The following ETV4 variants were observed in gnomAD, a reference collection of about 807,000 sequenced individuals.
ETV4 encodes ETS variant transcription factor 4, also known as ETS translocation variant 4.
ETV4 carries 42 observed loss-of-function variants against 65.9 expected under a neutral mutation model. The ratio of observed to expected loss-of-function variants is 0.64; its 90% confidence interval spans 0.50 to 0.82. ETV4 has a LOEUF of 0.82. Ranked by LOEUF, ETV4 falls within the 40% of genes least tolerant of loss-of-function variation. The pLI is 0.00. For synonymous variants in ETV4, 238 were observed against 260.0 expected, an observed-to-expected ratio of 0.92 and a Z score of 0.81; for missense variants, 583 against 630.3, an observed-to-expected ratio of 0.92 and a Z score of 0.80.
At chr17:43,529,258 GGTAGA>G (rs1358127380) in intron 11 of ETV4, 22 bp from the exon 12 acceptor site, 1 of 1,611,172 alleles carries the variant, frequency 6.2e-7, no homozygotes, top group East Asian at 2.2e-5. Flanking sequence ...ACAGTTTTGG[GGTAGA>G]GATGCTACCT....
intron 8 of ETV4, 77 bp downstream of exon 8, chr17:43,532,597 T>TA (rs1335689531): frequency 4.4e-6 from 6 of 1,378,518 alleles, no homozygotes; most frequent in South Asian, 1.4e-5. Context: ...AACAGCAATG[T>TA]AAAAAAACTC....
At chr17:43,539,622 A>G (rs1036506492) in intron 4 of ETV4, among the ~76,000 whole-genome samples, 5 of 152,200 alleles carry the variant, frequency 3.3e-5, no homozygotes, top group African/African-American at 1.2e-4. Flanking sequence ...GACTACATGA[A>G]TAAACATGCA....
Position 43,532,691 on chromosome 17 carries a change from T to G in ETV4, c.794A>C (p.Asp265Ala). The change falls in exon 8 of 13, where the codon GAC (aspartate) becomes GCC (alanine). Residue 265 changes from aspartate to alanine, a missense_variant. By Grantham distance (126) the Asp-to-Ala change is moderately radical (BLOSUM62 -2). Transcript: ENST00000319349. ...TCTCTTACCTGAGTCGTAGGCGAAG[T>G]CCGTCTGTTCCTGTTTGATCACCAC... ...AGVVIKQEQTDFAYDSDVTGC... is the reference protein window; with the variant it reads ...AGVVIKQEQTAFAYDSDVTGC... 6.2e-7 allele frequency: 1 copy of G among 1,612,752 alleles called. No individual in the cohort carries two copies. The highest frequency in any genetic ancestry group is 8.5e-7 in the Non-Finnish European group (1 of 1,179,190).
chr17:43,532,386 G>A (rs1243681016), intron 8 of ETV4, among the ~76,000 whole-genome samples: 1 of 151,872 alleles, frequency 6.6e-6, no homozygotes, highest in Non-Finnish European at 1.5e-5. Context: ...GTAATCCCAG[G>A]TACTCGGGAG....
chr17:43,538,534 ACAG>A (rs1444391759), intron 4 of ETV4, among the ~76,000 whole-genome samples: 1 of 152,156 alleles, frequency 6.6e-6, no homozygotes, highest in Non-Finnish European at 1.5e-5. Context: ...AAACTGAAAT[ACAG>A]CAGCAGCTCA....
At chr17:43,545,419 G>T in intron 2 of ETV4, 52 bp from the exon 3 acceptor site, 1 of 1,498,462 alleles carries the variant, frequency 6.7e-7, no homozygotes. Context: ...GCTTAGTCTG[G>T]GGGACGAGGT....
At chr17:43,543,160 G>C (rs1971608069) in intron 4 of ETV4, among the ~76,000 whole-genome samples, 1 of 151,842 alleles carries the variant, frequency 6.6e-6, no homozygotes, top group Non-Finnish European at 1.5e-5. Flanking sequence ...GAAGGAGAGG[G>C]AACCAAGGAG....
At chr17:43,544,873 G>T in intron 4 of ETV4, 102 bp downstream of exon 4, 1 of 1,122,884 alleles carries the variant, frequency 8.9e-7, no homozygotes, top group African/African-American at 1.5e-5. Flanking sequence ...TTGAGGCAGG[G>T]AAGGGAGAGG....
At chr17:43,541,722 GCT>G (rs1347184720) in intron 4 of ETV4, among the ~76,000 whole-genome samples, 1 of 152,138 alleles carries the variant, frequency 6.6e-6, no homozygotes, top group African/African-American at 2.4e-5. Flanking sequence ...CAGAGCTTCT[GCT>G]CCATTGTGTC....
intron 8 of ETV4, among the ~76,000 whole-genome samples, chr17:43,531,618 C>A (rs1048376058): frequency 6.6e-6 from 1 of 152,164 alleles, no homozygotes; most frequent in Non-Finnish European, 1.5e-5. Flanking sequence ...GCATGAGAAT[C>A]GCTTGAACCC....
chr17:43,535,965 G>T (rs931560290), intron 5 of ETV4, among the ~76,000 whole-genome samples: 1 of 152,176 alleles, frequency 6.6e-6, no homozygotes, highest in South Asian at 2.1e-4. Context: ...ACAAAAATTA[G>T]CTGGGTGTGG....
chr17:43,528,536 C>A lies in ETV4; in HGVS notation c.1438G>T (p.Gly480Cys). ...AGPAQPFGPK[G>C]GYSY ...GCTGGGGGCTAGTAAGAGTAGCCACCCTTGGGGCCAAATGGCTGGGCGGGG... is the reference window on the plus strand; with the variant it reads ...GCTGGGGGCTAGTAAGAGTAGCCACACTTGGGGCCAAATGGCTGGGCGGGG... Residue 480 changes from glycine (G) to cysteine (C), a missense_variant, in exon 13 of 13, where the codon GGT (glycine) becomes TGT (cysteine). Gly to Cys is a radical substitution (Grantham distance 159). Coordinates refer to ENST00000319349, the MANE Select transcript of ETV4 (RefSeq NM_001079675.5). 1.9e-6 allele frequency: 3 copies of A among 1,611,346 alleles called. No homozygotes were observed. Among genetic ancestry groups the A allele is most frequent in the Non-Finnish European group, 8.5e-7 (1 of 1,178,556 alleles).
chr17:43,542,129 G>T (rs1971555507), intron 4 of ETV4, among the ~76,000 whole-genome samples: 2 of 152,194 alleles, frequency 1.3e-5, no homozygotes, highest in African/African-American at 4.8e-5. Context: ...TTGGAGGAGG[G>T]TTGGGGAGCA....
chr17:43,529,620 G>A lies in ETV4; in HGVS notation c.1012C>T (p.Arg338Trp), dbSNP rs746787291. The A allele has an allele frequency of 1.1e-5, 18 of 1,613,944 alleles. No homozygotes were observed. The highest frequency in any genetic ancestry group is 1.7e-5 in the Admixed American group (1 of 59,994). ...AFREGPPYQRRGALQLWQFLV... is the reference protein window; with the variant it reads ...AFREGPPYQRWGALQLWQFLV... ...AATTGCCACAGCTGCAGGGCACCCCGGCGCTGGTAGGGCGGCCCCTCTCGA... is the reference window on the plus strand; with the variant it reads ...AATTGCCACAGCTGCAGGGCACCCCAGCGCTGGTAGGGCGGCCCCTCTCGA... Residue 338 changes from arginine (R) to tryptophan (W), a missense_variant, in exon 11 of 13, where the codon CGG (arginine) becomes TGG (tryptophan). Arg to Trp is a moderately radical substitution (Grantham distance 101). Coordinates refer to ENST00000319349, the MANE Select transcript of ETV4 (RefSeq NM_001079675.5).
rs138989101 is a variant in ETV4 at position 43,543,276 on chromosome 17, A to ACTCTCCCTCTCTCTCTCTCTCT, written c.202+1698_202+1699insAGAGAGAGAGAGAGAGGGAGAG. Among the ~76,000 whole-genome samples the ACTCTCCCTCTCTCTCTCTCTCT allele has an allele frequency of 6.1e-4, 85 of 138,254 alleles. No individual in the cohort carries two copies. In the South Asian group the frequency reaches 8.3e-3, roughly 14 times the overall value. The allele number at this position is 138,254 out of a possible 152,430, so 90.7% of individuals were successfully genotyped here. ...AGCAGCATGTAACTAACACACACAC[A>ACTCTCCCTCTCTCTCTCTCTCT]CTCTCTCTCTCTCTCTCTCTCACAC... is the stretch of plus-strand genomic sequence containing the variant. On this transcript the variant is annotated intron_variant, in intron 4 of 12. Transcript: ENST00000319349.
rs1971727247 is a variant in ETV4 at position 43,544,994 on chromosome 17, C to T, written c.183G>A (p.Gln61=). 2 of 1,613,910 alleles carry T rather than the reference C, an allele frequency of 1.2e-6. No individual in the cohort carries two copies. Among genetic ancestry groups the T allele is most frequent in the South Asian group, 2.2e-5 (2 of 91,068 alleles). ...EDLFQDLSHF[Q]ETWLAEAQVP... The stretch of plus-strand genomic sequence containing the variant: ...ACTCACCTTCAGCGAGCCACGTCTC[C>T]TGGAAGTGACTTAGATCCTGGAAGA... Residue 61 remains glutamine, a synonymous_variant, in exon 4 of 13, where the codon CAG becomes CAA. Transcript: ENST00000319349.
chr17:43,540,660 GCCA>G (rs922523612), intron 4 of ETV4, among the ~76,000 whole-genome samples: 5 of 152,078 alleles, frequency 3.3e-5, no homozygotes, highest in African/African-American at 1.2e-4. Flanking sequence ...TTTCACTTCA[GCCA>G]CCACAACCTT....
chr17:43,529,199 G>A lies in ETV4; in HGVS notation c.1166C>T (p.Ala389Val), dbSNP rs201226514. The A allele has an allele frequency of 6.2e-7, 1 of 1,613,958 alleles. No homozygotes were observed. The highest frequency in any genetic ancestry group is 2.2e-5 in the East Asian group (1 of 44,854). ...GCGGCTCAGCTTGTCGTAATTCATG[G>A]CTGGCCGGTTCTTCTGGATGCCCCA... is the stretch of plus-strand genomic sequence containing the variant. ...RLWGIQKNRPAMNYDKLSRSL... is the reference protein window; with the variant it reads ...RLWGIQKNRPVMNYDKLSRSL... The change falls in exon 12 of 13, where the codon GCC becomes GTC. Residue 389 changes from alanine to valine, a missense_variant. Ala to Val is a moderately conservative substitution (Grantham distance 64). Transcript: ENST00000319349.
At position 43,533,174 on chromosome 17, in the gene ETV4, C is replaced by T. The variant is rs1386567082; in HGVS notation, c.545+13G>A. The T allele has an allele frequency of 3.7e-6, 6 of 1,612,848 alleles. No individual in the cohort carries two copies. Among genetic ancestry groups the T allele is most frequent in the East Asian group, 2.2e-5 (1 of 44,794 alleles). On this transcript the variant is annotated intron_variant, in intron 7 of 12. Transcript: ENST00000319349. ...CCTGGGCCCATGAGCAGTGGGTTTC[C>T]CTGTCTCCTTACCTATGTTCCCCGA...
Sources: gnomAD v4.1 joint callset for allele counts (sites outside exome capture counted in the v4.1 genomes callset) on GRCh38, gnomAD v4.1.1 for gene constraint, MANE v1.5 for transcripts, NCBI Gene and HGNC (gene_info 2026-07-23, HGNC 2026-07-21) for gene names.